Variants in ADIPOR2 observed in about 807,000 individuals in gnomAD.
ADIPOR2 encodes the protein adiponectin receptor protein 2.
ADIPOR2 carries 18 observed loss-of-function variants against 40.9 expected under a neutral mutation model. The ratio of observed to expected loss-of-function variants is 0.44; its 90% CI spans 0.30 to 0.65. The LOEUF is 0.65. Among genes scored for constraint, ADIPOR2 ranks in the 30% least tolerant of loss-of-function variants. The probability of loss-of-function intolerance (pLI) is 0.09; values close to 1 mark genes in which losing one functional copy is unlikely to be tolerated. For synonymous variants in ADIPOR2, 165 were observed against 166.4 expected, an observed-to-expected ratio of 0.99 and a Z score of 0.06; for missense variants, 283 against 479.2, an observed-to-expected ratio of 0.59 and a Z score of 3.82.
intron 5 of ADIPOR2, 48 bp from the exon 6 acceptor site, chr12:1,780,841 G>A (rs748408317): frequency 1.3e-6 from 2 of 1,501,826 alleles, no homozygotes; most frequent in Admixed American, 4.4e-5. Context: ...GTAGTGGCCA[G>A]TAGTTTTTAA....
intron 2 of ADIPOR2, among the ~76,000 whole-genome samples, chr12:1,761,958 A>G (rs767789975): frequency 6.6e-6 from 1 of 152,196 alleles, no homozygotes; most frequent in African/African-American, 2.4e-5. Context: ...TCTTTCTATA[A>G]CCTTCGGGAT....
chr12:1,736,790 C>T (rs150861569), intron 1 of ADIPOR2, among the ~76,000 whole-genome samples: 25 of 152,340 alleles, frequency 1.6e-4, no homozygotes, highest in Middle Eastern at 3.4e-3. Context: ...TTGAATGTGT[C>T]CCAGAGAATC....
chr12:1,737,952 C>T (rs149866383), intron 1 of ADIPOR2, among the ~76,000 whole-genome samples: 2 of 152,086 alleles, frequency 1.3e-5, no homozygotes, highest in Admixed American at 1.3e-4. Flanking sequence ...ATGAAGGTCC[C>T]TTTTTTTGAT....
chr12:1,712,960 C>T (rs764800083), intron 1 of ADIPOR2, among the ~76,000 whole-genome samples: 3 of 152,066 alleles, frequency 2.0e-5, no homozygotes, highest in Admixed American at 6.5e-5. Flanking sequence ...CAAGAGATCT[C>T]GAGTAGCTTG....
intron 6 of ADIPOR2, among the ~76,000 whole-genome samples, chr12:1,782,060 T>TCAGGAATGA: frequency 6.6e-6 from 1 of 152,350 alleles, no homozygotes; most frequent in East Asian, 1.9e-4. Context: ...AGCCTTTGAC[T>TCAGGAATGA]TAGAGAATGA....
In ADIPOR2 at chr12:1,691,210, C is replaced by G. The variant is rs2094626085; in HGVS notation, c.-87+19C>G. Reference sequence around the variant, plus strand: ...ACACGCGGTGAGGCGGCGACGGGCTCCGGGTGAGGGTCTCTGGAGTGTGGG... The same window carrying G: ...ACACGCGGTGAGGCGGCGACGGGCTGCGGGTGAGGGTCTCTGGAGTGTGGG... On this transcript the variant is annotated intron_variant, in intron 1 of 7. Coordinates refer to ENST00000357103, the MANE Select transcript of ADIPOR2 (RefSeq NM_024551.3). 1 of 154,668 alleles carries G rather than the reference C, an allele frequency of 6.5e-6. No individual in the cohort carries two copies. The highest frequency in any genetic ancestry group is 6.5e-5 in the Admixed American group (1 of 15,294). 9.6% of individuals were successfully genotyped at this position (154,668 alleles called of 1,614,324 possible).
intron 2 of ADIPOR2, among the ~76,000 whole-genome samples, chr12:1,764,806 A>G (rs1565653675): frequency 6.6e-6 from 1 of 152,096 alleles, no homozygotes; most frequent in Non-Finnish European, 1.5e-5. Context: ...GTACTCTTGT[A>G]TCTGGCTTCT....
chr12:1,786,126 G>T lies in ADIPOR2; in HGVS notation c.*54G>T. The T allele has an allele frequency of 6.3e-7, 1 of 1,580,888 alleles. No homozygotes were observed. Among genetic ancestry groups the T allele is most frequent in the South Asian group, 1.2e-5 (1 of 86,042 alleles). On this transcript the variant is annotated 3_prime_UTR_variant, in exon 8 of 8. Transcript: ENST00000357103. ...CTAAACCAGGGCCTGCGGCACTTGC[G>T]GGCCTCCCTGCTGGCTACTGATGCC...
At chr12:1,733,744 C>T (rs1320854156) in intron 1 of ADIPOR2, among the ~76,000 whole-genome samples, 1 of 150,182 alleles carries the variant, frequency 6.7e-6, no homozygotes. Flanking sequence ...TCTCTTAATG[C>T]TATCCCTCCC....
intron 1 of ADIPOR2, among the ~76,000 whole-genome samples, chr12:1,737,588 T>C (rs2094733531): frequency 6.6e-6 from 1 of 152,186 alleles, no homozygotes; most frequent in Non-Finnish European, 1.5e-5. Context: ...ACTGACTGTT[T>C]ATATATTTTT....
In ADIPOR2 at chr12:1,712,775, AC is replaced by A. The variant is rs1200023355; in HGVS notation, c.-87+21589del. On this transcript the variant is annotated intron_variant, in intron 1 of 7. Coordinates refer to ENST00000357103, the MANE Select transcript of ADIPOR2 (RefSeq NM_024551.3). The stretch of plus-strand genomic sequence containing the variant: ...CGGCAAAAGCTGGTGATTCCAAGGA[AC>A]CCCCGCAACTGTTTTAATGTCTTAG... Among the ~76,000 whole-genome samples, 5 of 151,642 alleles carry A rather than the reference AC, an allele frequency of 3.3e-5. 1 individual carries two copies. Among genetic ancestry groups the A allele is most frequent in the Non-Finnish European group, 7.4e-5 (5 of 67,964 alleles).
chr12:1,757,739 C>A, intron 2 of ADIPOR2: 1 of 1,274,394 alleles, frequency 7.8e-7, no homozygotes, highest in Non-Finnish European at 1.1e-6. Context: ...CCCGTCTTGT[C>A]AATGCTGATG....
intron 3 of ADIPOR2, among the ~76,000 whole-genome samples, chr12:1,774,211 C>T (rs1183200801): frequency 6.6e-6 from 1 of 152,140 alleles, no homozygotes; most frequent in African/African-American, 2.4e-5. Flanking sequence ...TAGAGATCAG[C>T]GGGGTACGGT....
chr12:1,754,747 CTAT>C (rs1169211456), intron 2 of ADIPOR2, among the ~76,000 whole-genome samples: 7 of 150,566 alleles, frequency 4.6e-5, no homozygotes, highest in African/African-American at 1.5e-4. Flanking sequence ...ACTACTACTA[CTAT>C]TGAGACGGAG....
intron 1 of ADIPOR2, among the ~76,000 whole-genome samples, chr12:1,692,099 T>TTTTA (rs1555164654): frequency 6.6e-6 from 1 of 151,536 alleles, no homozygotes; most frequent in Non-Finnish European, 1.5e-5. Flanking sequence ...TTTTTTTTTT[T>TTTTA]ATCACCCCTT....
At chr12:1,768,005 C>T (rs896894925) in intron 2 of ADIPOR2, among the ~76,000 whole-genome samples, 23 of 152,058 alleles carry the variant, frequency 1.5e-4, no homozygotes, top group African/African-American at 5.3e-4. Flanking sequence ...CAAGAATTTC[C>T]GAGAACAAAT....
intron 1 of ADIPOR2, among the ~76,000 whole-genome samples, chr12:1,743,121 G>A (rs1472721751): frequency 6.6e-6 from 1 of 150,570 alleles, no homozygotes; most frequent in Non-Finnish European, 1.5e-5. Flanking sequence ...GCCGGATGTG[G>A]TTGCTCATGC....
At chr12:1,743,397 T>G (rs1043422112) in intron 1 of ADIPOR2, among the ~76,000 whole-genome samples, 1 of 151,432 alleles carries the variant, frequency 6.6e-6, no homozygotes, top group Non-Finnish European at 1.5e-5. Context: ...TCTAAAATAC[T>G]GGGCACATTA....
At chr12:1,701,125 A>G (rs1460989176) in intron 1 of ADIPOR2, among the ~76,000 whole-genome samples, 1 of 124,006 alleles carries the variant, frequency 8.1e-6, no homozygotes, top group Non-Finnish European at 1.7e-5. Context: ...TATGGTGTTG[A>G]TCTTTTTTTT....
Sources: gnomAD v4.1 joint callset for allele counts (sites outside exome capture counted in the v4.1 genomes callset) on GRCh38, gnomAD v4.1.1 for gene constraint, MANE v1.5 for transcripts, NCBI Gene and HGNC (gene_info 2026-07-23, HGNC 2026-07-21) for gene names.